APC: variants seen among roughly 807,000 people sequenced by gnomAD.
APC encodes adenomatous polyposis coli protein.
In APC, 72 loss-of-function variants were observed where a neutral mutation model predicts 247.0. The observed-to-expected ratio is 0.29, with a 90% CI of 0.24 to 0.35. APC has a LOEUF of 0.35. Among genes scored for constraint, APC ranks in the 10% least tolerant of loss-of-function variants. The probability of loss-of-function intolerance (pLI) is 1.00; values close to 1 mark genes in which losing one functional copy is unlikely to be tolerated. For missense variants in APC, 3,400 were observed against 3,360.7 expected, an observed-to-expected ratio of 1.01 and a Z score of -0.29; for synonymous variants, 1,254 against 1,162.5, an observed-to-expected ratio of 1.08 and a Z score of -1.60.
upstream of APC, among the ~76,000 whole-genome samples, chr5:112,737,680 G>T (rs901510966): frequency 6.6e-6 from 1 of 152,258 alleles, no homozygotes; most frequent in African/African-American, 2.4e-5. Context: ...GGGGTACGGG[G>T]CTAGGGCTAG....
In APC at chr5:112,838,748, C is replaced by T. The variant is rs1060503258; in HGVS notation, c.3154C>T (p.Pro1052Ser). 1 of 1,614,078 alleles carries T rather than the reference C, an allele frequency of 6.2e-7. No homozygotes were observed. The highest frequency in any genetic ancestry group is 2.2e-5 in the East Asian group (1 of 44,860). The change falls in exon 16 of 16, where the codon CCC becomes TCC. Residue 1052 changes from proline (P) to serine (S), a missense_variant. Pro to Ser is a moderately conservative substitution (Grantham distance 74, BLOSUM62 -1). Transcript: ENST00000257430. The stretch of plus-strand genomic sequence containing the variant: ...TTCACAGAATGAAAGATGGGCAAGA[C>T]CCAAACACATAATAGAAGATGAAAT... ...SPSQNERWAR[P>S]KHIIEDEIKQ...
chr5:112,712,559 CT>C (rs1044831987), intron 1 of APC, among the ~76,000 whole-genome samples: 7,828 of 140,638 alleles, frequency 0.056, 502 homozygotes, highest in African/African-American at 0.17. Context: ...ACACCCAGCC[CT>C]TTTTTTTTTT....
intron 6 of APC, among the ~76,000 whole-genome samples, chr5:112,788,022 C>T (rs140086928): frequency 2.9e-4 from 44 of 152,126 alleles, no homozygotes; most frequent in African/African-American, 1.1e-3. Flanking sequence ...ATGTTGTTAA[C>T]TGAATTTCTC....
intron 14 of APC, among the ~76,000 whole-genome samples, chr5:112,831,148 T>C (rs987582351): frequency 2.0e-5 from 3 of 152,022 alleles, no homozygotes; most frequent in Non-Finnish European, 4.4e-5. Context: ...CTTGCTCTGC[T>C]GCCAGGCTGG....
upstream of APC, among the ~76,000 whole-genome samples, chr5:112,736,668 T>A (rs1048611295): frequency 2.0e-5 from 3 of 152,186 alleles, no homozygotes; most frequent in Non-Finnish European, 1.5e-5. Flanking sequence ...GTAATCCCAG[T>A]ACTTGGAGGG....
In APC at chr5:112,789,060, A is replaced by C. The variant is rs559984879; in HGVS notation, c.646-3386A>C. On this transcript the variant is annotated intron_variant, in intron 6 of 15. Coordinates refer to ENST00000257430, the MANE Select transcript of APC (RefSeq NM_000038.6). ...ACACAGTTAAGTGTACCCTTTATCA[A>C]GTTAAGGGATTTACCTTCTATTCTA... Among the ~76,000 whole-genome samples, 276 of 152,312 alleles carry C rather than the reference A, an allele frequency of 1.8e-3. 1 individual carries two copies. Among genetic ancestry groups the C allele is most frequent in the African/African-American group, 6.5e-3 (269 of 41,570 alleles).
intron 1 of APC, among the ~76,000 whole-genome samples, chr5:112,754,007 A>G (rs939172518): frequency 2.0e-5 from 3 of 152,108 alleles, no homozygotes; most frequent in African/African-American, 4.8e-5. Context: ...AATTCTTCCT[A>G]AAGTCCTCTT....
intron 2 of APC, among the ~76,000 whole-genome samples, chr5:112,765,424 T>TG (rs780565430): frequency 2.0e-5 from 3 of 152,214 alleles, no homozygotes; most frequent in Non-Finnish European, 4.4e-5. Context: ...ACAATGTCAC[T>TG]GTCAAGATAA....
intron 6 of APC, among the ~76,000 whole-genome samples, chr5:112,790,310 T>G (rs1759429202): frequency 6.6e-6 from 1 of 151,634 alleles, no homozygotes; most frequent in Non-Finnish European, 1.5e-5. Flanking sequence ...ATTTGGGTTT[T>G]TTTTGGGGGG....
At chr5:112,749,646 C>G (rs948183919) in intron 1 of APC, among the ~76,000 whole-genome samples, 2 of 151,910 alleles carry the variant, frequency 1.3e-5, no homozygotes, top group Non-Finnish European at 2.9e-5. Flanking sequence ...TGCCACCATG[C>G]CCGGCTAATT....
At chr5:112,761,105 A>C (rs1755614944) in intron 2 of APC, among the ~76,000 whole-genome samples, 1 of 152,132 alleles carries the variant, frequency 6.6e-6, no homozygotes, top group Admixed American at 6.6e-5. Context: ...CACCACCCCC[A>C]GCGGGTCCCA....
rs1580693829 is a variant in APC, at chr5:112,844,049, A to C, written c.8455A>C (p.Lys2819Gln). 1 of 1,602,788 alleles carries C rather than the reference A, an allele frequency of 6.2e-7. No individual in the cohort carries two copies. The highest frequency in any genetic ancestry group is 8.5e-7 in the Non-Finnish European group (1 of 1,177,262). ...TAACAACACAAAGAAGCGAGATTCC[A>C]AAACTGACAGCACAGAATCCAGTGG... is the stretch of plus-strand genomic sequence containing the variant. ...VNNNTKKRDSKTDSTESSGTQ... is the reference protein window; with the variant it reads ...VNNNTKKRDSQTDSTESSGTQ... The change falls in exon 16 of 16, where the codon AAA becomes CAA. Residue 2819 changes from lysine (K) to glutamine (Q), a missense_variant. By Grantham distance (53) the Lys-to-Gln change is moderately conservative. Transcript: ENST00000257430.
intron 1 of APC, among the ~76,000 whole-genome samples, chr5:112,745,478 A>T (rs1753542292): frequency 6.6e-6 from 1 of 152,058 alleles, no homozygotes; most frequent in South Asian, 2.1e-4. Context: ...CTTAAAATTT[A>T]TATTATTAAG....
chr5:112,769,070 T>TTTTTTA (rs1756720407), intron 4 of APC, among the ~76,000 whole-genome samples: 1 of 145,548 alleles, frequency 6.9e-6, no homozygotes, highest in African/African-American at 2.6e-5. Flanking sequence ...TTTTTTTTTT[T>TTTTTTA]GAGATAAGAG....
In APC at chr5:112,799,802, T is replaced by A. The variant is rs78193332; in HGVS notation, c.730-1477T>A. On this transcript the variant is annotated intron_variant, in intron 7 of 15. Coordinates refer to ENST00000257430, the MANE Select transcript of APC (RefSeq NM_000038.6). Reference sequence around the variant, plus strand: ...GGTGCTTCATCCACACCATGATTCGTTGACACGCTAAAACAAGCCACACTC... The same window carrying A: ...GGTGCTTCATCCACACCATGATTCGATGACACGCTAAAACAAGCCACACTC... 0.055 allele frequency among the ~76,000 whole-genome samples: 8,346 copies of A among 152,136 alleles called. 438 individuals are homozygous for A. Among genetic ancestry groups the A allele is most frequent in the East Asian group, 0.14 (698 of 5,158 alleles).
intron 11 of APC, among the ~76,000 whole-genome samples, chr5:112,824,946 T>G (rs1308758761): frequency 2.6e-5 from 4 of 152,212 alleles, no homozygotes; most frequent in Admixed American, 6.5e-5. Flanking sequence ...CAGCTCAATT[T>G]GAGTTTTTTC....
intron 7 of APC, among the ~76,000 whole-genome samples, chr5:112,800,459 C>G (rs1416855772): frequency 1.3e-5 from 2 of 152,018 alleles, no homozygotes; most frequent in African/African-American, 4.8e-5. Context: ...TTTAAATGAT[C>G]TAGGAAAGCT....
chr5:112,762,560 A>T (rs1296513009), intron 2 of APC, among the ~76,000 whole-genome samples: 1 of 152,176 alleles, frequency 6.6e-6, no homozygotes, highest in Non-Finnish European at 1.5e-5. Context: ...GATTTCACAG[A>T]TACTATGTTG....
In APC at chr5:112,838,369, C is replaced by T. The variant is rs864622701; in HGVS notation, c.2775C>T (p.Ser925=). 1.2e-6 allele frequency: 2 copies of T among 1,614,150 alleles called. No homozygotes were observed. The highest frequency in any genetic ancestry group is 1.7e-5 in the Admixed American group (1 of 60,020). Residue 925 remains serine (S), a synonymous_variant, in exon 16 of 16, where the codon AGC becomes AGT. Coordinates refer to ENST00000257430, the MANE Select transcript of APC (RefSeq NM_000038.6). ...VTDERNALRR[S]SAAHTHSNTY... is the part of the protein sequence containing the mutation. ...ATGAGAGAAATGCACTTAGAAGAAG[C>T]TCTGCTGCCCATACACATTCAAACA...
Sources: allele counts gnomAD v4.1 joint callset (sites outside exome capture counted in the v4.1 genomes callset), GRCh38; gene constraint gnomAD v4.1.1; transcripts MANE v1.5; gene names NCBI Gene and HGNC (gene_info 2026-07-23, HGNC 2026-07-21).